The following SLC35A1 variants were observed in gnomAD, a reference collection of about 807,000 sequenced individuals.
The protein encoded by SLC35A1 is CMP-sialic acid transporter.
SLC35A1 carries 21 observed loss-of-function variants against 40.3 expected under a neutral mutation model. The observed-to-expected ratio is 0.52, with a 90% CI of 0.37 to 0.75. SLC35A1 has a LOEUF of 0.75. SLC35A1 is among the 30% of genes least tolerant of loss of function. SLC35A1 has a pLI of 0.00. For missense variants in SLC35A1, 297 were observed against 382.1 expected, an observed-to-expected ratio of 0.78 and a Z score of 1.86; for synonymous variants, 146 against 147.3, an observed-to-expected ratio of 0.99 and a Z score of 0.06.
intron 4 of SLC35A1, 76 bp from the exon 5 acceptor site, chr6:87,506,306 G>A (rs1770080758): frequency 2.7e-6 from 3 of 1,131,212 alleles, no homozygotes; most frequent in Non-Finnish European, 4.0e-6. Context: ...ACAGGTTTTT[G>A]TATTTATTTG....
chr6:87,475,746 G>C (rs920952501), intron 1 of SLC35A1, among the ~76,000 whole-genome samples: 1 of 152,178 alleles, frequency 6.6e-6, no homozygotes, highest in Non-Finnish European at 1.5e-5. Flanking sequence ...TTTGAATTGT[G>C]ATTAGGCTCC....
intron 2 of SLC35A1, among the ~76,000 whole-genome samples, chr6:87,485,186 A>C (rs773035622): frequency 4.6e-5 from 7 of 152,198 alleles, no homozygotes; most frequent in Non-Finnish European, 1.0e-4. Flanking sequence ...TGTTACAAAA[A>C]ATGTTATGAG....
chr6:87,484,191 G>A (rs1290831648), intron 2 of SLC35A1, among the ~76,000 whole-genome samples: 1 of 152,064 alleles, frequency 6.6e-6, no homozygotes, highest in Non-Finnish European at 1.5e-5. Flanking sequence ...GTTATTCCTT[G>A]CACTGGGCGG....
At chr6:87,473,117 GT>G (rs1768965040) in intron 1 of SLC35A1, 98 bp downstream of exon 1, 2 of 413,270 alleles carry the variant, frequency 4.8e-6, no homozygotes, top group Admixed American at 4.4e-5. Context: ...GAGCACCCTG[GT>G]TGCCCAGTGC....
intron 1 of SLC35A1, among the ~76,000 whole-genome samples, chr6:87,473,561 A>G (rs1768982753): frequency 2.6e-5 from 4 of 152,222 alleles, no homozygotes; most frequent in Admixed American, 2.6e-4. Flanking sequence ...AAGGAAGATA[A>G]CAGTCGTTAA....
intron 7 of SLC35A1, among the ~76,000 whole-genome samples, chr6:87,510,179 A>G (rs909786398): frequency 3.3e-5 from 5 of 152,182 alleles, no homozygotes; most frequent in African/African-American, 1.2e-4. Context: ...AAGTGCTTAG[A>G]GTAGTGTTTG....
At chr6:87,484,794 T>A (rs1284265938) in intron 2 of SLC35A1, among the ~76,000 whole-genome samples, 2 of 152,108 alleles carry the variant, frequency 1.3e-5, no homozygotes, top group Non-Finnish European at 2.9e-5. Context: ...AGAAGTTAAG[T>A]TTAAAAGTAG....
At chr6:87,511,098 T>C (rs1770253973) in intron 7 of SLC35A1, among the ~76,000 whole-genome samples, 1 of 152,102 alleles carries the variant, frequency 6.6e-6, no homozygotes, top group African/African-American at 2.4e-5. Context: ...AAAAATTATA[T>C]ATTTTATAGG....
chr6:87,476,692 T>C (rs1769081804), intron 1 of SLC35A1, among the ~76,000 whole-genome samples: 1 of 151,810 alleles, frequency 6.6e-6, no homozygotes, highest in African/African-American at 2.4e-5. Flanking sequence ...GTCAAGATCA[T>C]GCCACTGCAC....
chr6:87,486,391 T>C (rs184391782), intron 2 of SLC35A1, among the ~76,000 whole-genome samples: 11 of 152,302 alleles, frequency 7.2e-5, no homozygotes, highest in Non-Finnish European at 1.2e-4. Flanking sequence ...TTCAAGGTAT[T>C]GTTAATAAGA....
intron 2 of SLC35A1, among the ~76,000 whole-genome samples, chr6:87,478,381 A>G (rs1283338149): frequency 6.6e-6 from 1 of 152,208 alleles, no homozygotes; most frequent in Non-Finnish European, 1.5e-5. Flanking sequence ...ATAAAATCTA[A>G]TAGGTAAATT....
chr6:87,476,158 A>G (rs2127962177), intron 1 of SLC35A1, among the ~76,000 whole-genome samples: 1 of 152,356 alleles, frequency 6.6e-6, no homozygotes, highest in African/African-American at 2.4e-5. Flanking sequence ...CTTGCAGGCA[A>G]TTCTTAAATT....
At chr6:87,509,854 G>C (rs1200764806) in intron 7 of SLC35A1, among the ~76,000 whole-genome samples, 2 of 151,822 alleles carry the variant, frequency 1.3e-5, no homozygotes, top group African/African-American at 4.8e-5. Flanking sequence ...AACATTTCAG[G>C]GTGCTTTTAT....
chr6:87,486,058 A>G (rs919311140), intron 2 of SLC35A1, among the ~76,000 whole-genome samples: 1 of 152,242 alleles, frequency 6.6e-6, no homozygotes, highest in Non-Finnish European at 1.5e-5. Context: ...ACAAAGTATT[A>G]TACTAGAACT....
intron 2 of SLC35A1, among the ~76,000 whole-genome samples, chr6:87,480,258 C>A (rs554601356): frequency 2.0e-5 from 3 of 152,150 alleles, no homozygotes; most frequent in Non-Finnish European, 4.4e-5. Context: ...TGTTGGACTT[C>A]AGGAAATAGC....
At chr6:87,510,998 C>G (rs975436194) in intron 7 of SLC35A1, among the ~76,000 whole-genome samples, 4 of 151,976 alleles carry the variant, frequency 2.6e-5, no homozygotes, top group Non-Finnish European at 5.9e-5. Flanking sequence ...GTCTTTTACT[C>G]TAAACTTTCA....
chr6:87,506,262 G>C (rs755713745), intron 4 of SLC35A1, 120 bp from the exon 5 acceptor site: 2 of 787,152 alleles, frequency 2.5e-6, no homozygotes, highest in Non-Finnish European at 4.4e-6. Context: ...GAATAGCTGT[G>C]TCTGATGTGG....
At chr6:87,477,024 A>G (rs1769094807) in intron 1 of SLC35A1, among the ~76,000 whole-genome samples, 1 of 152,160 alleles carries the variant, frequency 6.6e-6, no homozygotes, top group African/African-American at 2.4e-5. Flanking sequence ...GTCTCCAAAA[A>G]AACCCACCAC....
intron 7 of SLC35A1, among the ~76,000 whole-genome samples, chr6:87,509,689 G>C (rs1336241508): frequency 6.6e-6 from 1 of 151,968 alleles, no homozygotes; most frequent in Non-Finnish European, 1.5e-5. Context: ...TTTGTCTTTT[G>C]TATCTTTGTT....
Sources: allele counts gnomAD v4.1 joint callset (sites outside exome capture counted in the v4.1 genomes callset), GRCh38; gene constraint gnomAD v4.1.1; transcripts MANE v1.5; gene names NCBI Gene and HGNC (gene_info 2026-07-23, HGNC 2026-07-21).